The following PLD2 variants were observed in gnomAD, a reference collection of about 807,000 sequenced individuals.
PLD2 encodes choline phosphatase 2.
Under a neutral mutation model 119.8 loss-of-function variants are expected in PLD2, and 101 were observed. That is an observed-to-expected ratio of 0.84 (90% CI 0.72 to 0.99). The LOEUF (loss-of-function observed/expected upper bound fraction) is 0.99. Among genes scored for constraint, PLD2 ranks in the 50% least tolerant of loss-of-function variants. The probability of loss-of-function intolerance (pLI) is 0.00; values close to 1 mark genes in which losing one functional copy is unlikely to be tolerated. For missense variants in PLD2, 1,164 were observed against 1,226.8 expected, an observed-to-expected ratio of 0.95 and a Z score of 0.76; for synonymous variants, 494 against 482.8, an observed-to-expected ratio of 1.02 and a Z score of -0.30.
intron 11 of PLD2, 26 bp downstream of exon 11, chr17:4,814,527 A>T: frequency 6.2e-7 from 1 of 1,612,530 alleles, no homozygotes; most frequent in Non-Finnish European, 8.5e-7. Context: ...CCCCAACAAC[A>T]TGGGGCAGGA....
Position 4,809,771 on chromosome 17 carries a change from G to T in PLD2, c.695G>T (p.Arg232Leu). 7 of 1,614,140 alleles carry T rather than the reference G, an allele frequency of 4.3e-6. No individual in the cohort carries two copies. Among genetic ancestry groups the T allele is most frequent in the Non-Finnish European group, 5.9e-6 (7 of 1,180,018 alleles). The change falls in exon 8 of 25, where the codon CGC becomes CTC. Residue 232 changes from arginine (R) to leucine (L), a missense_variant. By Grantham distance (102) the Arg-to-Leu change is moderately radical (BLOSUM62 -2). Transcript: ENST00000263088. ...TGTGGCCGAGACCAAGTTTGTTATC[G>T]CTGGTCCAAGAGGTACGGGCTATGG... The part of the protein sequence containing the change: ...TCCGRDQVCY[R>L]WSKRWLVVKD...
intron 10 of PLD2, among the ~76,000 whole-genome samples, chr17:4,812,975 T>C (rs1906626446): frequency 6.6e-6 from 1 of 152,082 alleles, no homozygotes; most frequent in African/African-American, 2.4e-5. Context: ...AGGGCAGTCA[T>C]GGAAGGAAGT....
In PLD2 at chr17:4,808,716, T is replaced by C. The variant is rs1177711055; in HGVS notation, c.383+300T>C. Among the ~76,000 whole-genome samples, 1 of 152,112 alleles carries C rather than the reference T, an allele frequency of 6.6e-6. No homozygotes were observed. The highest frequency in any genetic ancestry group is 2.4e-5 in the African/African-American group (1 of 41,418). On this transcript the variant is annotated intron_variant, in intron 4 of 24. Transcript: ENST00000263088. This position sits in a 1 kb window ranked among gnomAD's most constrained non-coding sequence, Gnocchi z 4.1. The stretch of plus-strand genomic sequence containing the variant: ...CTCTAGGCCTTTTGTTTGTTTTTTG[T>C]TTTTGTTTTGTACAAGGTCTCCCTC...
chr17:4,822,075 G>T (rs1341628795), intron 24 of PLD2, among the ~76,000 whole-genome samples, 168 bp downstream of exon 24: 2 of 152,144 alleles, frequency 1.3e-5, no homozygotes, highest in Non-Finnish European at 1.5e-5. Flanking sequence ...GGGTGCAGTG[G>T]CTCATGCCTG....
chr17:4,815,433 T>C, intron 12 of PLD2, 43 bp from the exon 13 acceptor site: 2 of 1,209,594 alleles, frequency 1.7e-6, no homozygotes, highest in Non-Finnish European at 2.5e-6. Context: ...AAGGGGCTAC[T>C]CTGGGAGAGG....
chr17:4,820,567 A>C (rs1907558062), intron 23 of PLD2, among the ~76,000 whole-genome samples: 1 of 147,920 alleles, frequency 6.8e-6, no homozygotes, highest in Non-Finnish European at 1.5e-5. Flanking sequence ...AAAAAAAAAA[A>C]AAAATCTTTT....
At chr17:4,818,435 G>A (rs368667455) in intron 19 of PLD2, 50 bp downstream of exon 19, 8 of 1,602,852 alleles carry the variant, frequency 5.0e-6, no homozygotes, top group South Asian at 1.1e-5. Context: ...GTTTGAGCCC[G>A]GTTGAAGGGG....
At chr17:4,811,529 C>T (rs1278664905) in intron 10 of PLD2, among the ~76,000 whole-genome samples, 3 of 152,292 alleles carry the variant, frequency 2.0e-5, no homozygotes, top group South Asian at 2.1e-4. Flanking sequence ...CCGCCCGCCT[C>T]GGCCTCCCGA....
chr17:4,822,004 T>C, intron 24 of PLD2, 97 bp downstream of exon 24: 2 of 766,042 alleles, frequency 2.6e-6, no homozygotes, highest in South Asian at 1.5e-5. Context: ...ATACAGTCAT[T>C]ATTGGAAGGG....
At chr17:4,822,358 G>T (rs1256736653) in intron 24 of PLD2, among the ~76,000 whole-genome samples, 2 of 151,880 alleles carry the variant, frequency 1.3e-5, no homozygotes, top group Non-Finnish European at 2.9e-5. Context: ...CGGGCATGGT[G>T]GTGGGCACCT....
In PLD2 at chr17:4,810,036, C is replaced by T. The variant is rs371170971; in HGVS notation, c.860+7C>T. The T allele has an allele frequency of 6.2e-7, 1 of 1,612,032 alleles. No individual in the cohort carries two copies. ...GGATCGATACCTCCCACAGGTGAGGCCTCCCTGGGGTGAGAGACACCAGCT... is the reference window on the plus strand; with the variant it reads ...GGATCGATACCTCCCACAGGTGAGGTCTCCCTGGGGTGAGAGACACCAGCT... On this transcript the variant is annotated splice_region_variant and intron_variant, in intron 9 of 24. Coordinates refer to ENST00000263088, the MANE Select transcript of PLD2 (RefSeq NM_002663.5).
chr17:4,807,783 C>T lies in PLD2; in HGVS notation c.11C>T (p.Thr4Ile), dbSNP rs375531613. The T allele has an allele frequency of 1.2e-6, 2 of 1,602,320 alleles. No homozygotes were observed. Among genetic ancestry groups the T allele is most frequent in the African/African-American group, 2.7e-5 (2 of 74,818 alleles). The change falls in exon 2 of 25, where the codon ACC (threonine) becomes ATC (isoleucine). Residue 4 changes from threonine to isoleucine, a missense_variant. Transcript: ENST00000263088. The surrounding 1 kb of genome is among the most constrained non-coding windows in gnomAD (Gnocchi z 5.4). ...CCCAATGTTCCTAGGATGACGGCGA[C>T]CCCTGAGAGCCTCTTCCCCACTGGG... is the stretch of plus-strand genomic sequence containing the variant. MTA[T>I]PESLFPTGDE...
chr17:4,807,177 T>A lies in PLD2; in HGVS notation c.-50T>A, dbSNP rs1052742. On this transcript the variant is annotated 5_prime_UTR_variant, in exon 1 of 25. Coordinates refer to ENST00000263088, the MANE Select transcript of PLD2 (RefSeq NM_002663.5). The surrounding 1 kb of genome is among the most constrained non-coding windows in gnomAD (Gnocchi z 5.4). ...GTGGGCTCCGGCTGCAGCTCCGGTC[T>A]GCTCTCTTGGCTCCGGAACCCCCGC... 1 of 151,232 alleles carries A rather than the reference T, an allele frequency of 6.6e-6. No homozygotes were observed. The highest frequency in any genetic ancestry group is 2.4e-5 in the African/African-American group (1 of 41,208). The allele number at this position is 151,232 out of a possible 1,614,324, so 9.4% of individuals were successfully genotyped here. A position where few individuals can be genotyped will look rare whatever the true frequency, so the allele number is the denominator to read the frequency against.
rs766443484 is a variant in PLD2, at chr17:4,809,550, C to T, written c.613C>T (p.Leu205=). The part of the protein sequence containing the change: ...SFIPDLGRKG[L]EGMIRKRSGG... ...TATCCCGGACTTGGGCCGCAAAGGA[C>T]TGTGAGTGTCTGGCCCCCTTCACCC... is the stretch of plus-strand genomic sequence containing the variant. The change falls in exon 7 of 25, where the codon CTG becomes TTG. Residue 205 remains leucine, a splice_region_variant and synonymous_variant. Transcript: ENST00000263088. 3 of 1,606,090 alleles carry T rather than the reference C, an allele frequency of 1.9e-6. No homozygotes were observed. The highest frequency in any genetic ancestry group is 2.6e-6 in the Non-Finnish European group (3 of 1,174,532).
chr17:4,817,981 A>G (rs773663889), intron 17 of PLD2, 21 bp from the exon 18 acceptor site: 54 of 1,534,310 alleles, frequency 3.5e-5, no homozygotes, highest in Non-Finnish European at 4.3e-5. Context: ...AATGAAGCAC[A>G]TCGCATTCAC....
rs971941044 is a variant in PLD2 at position 4,815,599 on chromosome 17, C to T, written c.1284+13C>T. ...CCCCAACATAAAGGTGACTCTCGGC[C>T]TCAGAGACCCTCCCACATGACAGCC... On this transcript the variant is annotated intron_variant, in intron 13 of 24. Transcript: ENST00000263088. 7 of 1,598,946 alleles carry T rather than the reference C, an allele frequency of 4.4e-6. No homozygotes were observed. Among genetic ancestry groups the T allele is most frequent in the Admixed American group, 3.3e-5 (2 of 59,986 alleles).
At position 4,821,029 on chromosome 17, in the gene PLD2, A is replaced by T. The variant is rs1473495902; in HGVS notation, c.2463-764A>T. Among the ~76,000 whole-genome samples the T allele has an allele frequency of 3.3e-5, 5 of 151,388 alleles. No individual in the cohort carries two copies. The East Asian group carries it at 5.8e-4, about 18-fold the overall frequency. On this transcript the variant is annotated intron_variant, in intron 23 of 24. Transcript: ENST00000263088. ...ACCATTCTCCTGCCTCAGCCTCCCG[A>T]GTAGCTGGGATTACAGGCGCCCGCC...
chr17:4,807,688 A>G lies in PLD2; in HGVS notation c.-1-84A>G. 1 of 761,608 alleles carries G rather than the reference A, an allele frequency of 1.3e-6. No individual in the cohort carries two copies. The allele number at this position is 761,608 out of a possible 1,614,324, so 47.2% of individuals were successfully genotyped here. A position where few individuals can be genotyped will look rare whatever the true frequency, so the allele number is the denominator to read the frequency against. On this transcript the variant is annotated intron_variant, in intron 1 of 24. Transcript: ENST00000263088. This position sits in a 1 kb window ranked among gnomAD's most constrained non-coding sequence, Gnocchi z 5.4. ...CCGTGGGGGAAGAGGAGGATCTGGAAGAGATGGAGGACCTGCGGGAGTTAG... is the reference window on the plus strand; with the variant it reads ...CCGTGGGGGAAGAGGAGGATCTGGAGGAGATGGAGGACCTGCGGGAGTTAG...
rs1409850487 is a variant in PLD2 at position 4,819,891 on chromosome 17, G to A, written c.2462+309G>A. Among the ~76,000 whole-genome samples, 1 of 151,982 alleles carries A rather than the reference G, an allele frequency of 6.6e-6. No homozygotes were observed. Among genetic ancestry groups the A allele is most frequent in the African/African-American group, 2.4e-5 (1 of 41,386 alleles). On this transcript the variant is annotated intron_variant, in intron 23 of 24. Coordinates refer to ENST00000263088, the MANE Select transcript of PLD2 (RefSeq NM_002663.5). This position sits in a 1 kb window ranked among gnomAD's most constrained non-coding sequence, Gnocchi z 4.2. Reference sequence around the variant, plus strand: ...CGGGCGCCTGTGATCCCAGCTACTAGGACTAATCAGTTTAGAGTATCAGTA... The same window carrying A: ...CGGGCGCCTGTGATCCCAGCTACTAAGACTAATCAGTTTAGAGTATCAGTA...
Sources: allele counts gnomAD v4.1 joint callset (sites outside exome capture counted in the v4.1 genomes callset), GRCh38; gene constraint gnomAD v4.1.1; non-coding constraint Gnocchi (gnomAD v3.1); transcripts MANE v1.5; gene names NCBI Gene and HGNC (gene_info 2026-07-23, HGNC 2026-07-21).